Variants in TBC1D5 observed in about 807,000 individuals in gnomAD.
TBC1D5 encodes TBC1 domain family member 5.
TBC1D5 carries 75 observed loss-of-function variants against 100.3 expected under a neutral mutation model. That is an observed-to-expected ratio of 0.75 (90% CI 0.62 to 0.91). TBC1D5 has a LOEUF of 0.91. Ranked by LOEUF, TBC1D5 falls within the 40% of genes least tolerant of loss-of-function variation. TBC1D5 has a pLI of 0.00. For missense variants in TBC1D5, 910 were observed against 942.4 expected (o/e 0.97, Z 0.45); for synonymous variants, 323 against 325.6 (o/e 0.99, Z 0.09).
chr3:17,634,277 G>GT (rs1279176551), intron 1 of TBC1D5, among the ~76,000 whole-genome samples: 1 of 152,158 alleles, frequency 6.6e-6, no homozygotes, highest in African/African-American at 2.4e-5. Flanking sequence ...GCACTCCCAT[G>GT]TTTGTTACAA....
intron 13 of TBC1D5, among the ~76,000 whole-genome samples, chr3:17,349,102 A>G (rs2090251281): frequency 6.6e-6 from 1 of 152,182 alleles, no homozygotes; most frequent in African/African-American, 2.4e-5. Context: ...CCAAAACTGA[A>G]AGAAATCCAC....
intron 1 of TBC1D5, among the ~76,000 whole-genome samples, chr3:17,668,331 C>T (rs181215163): frequency 9.9e-5 from 15 of 151,764 alleles, no homozygotes; most frequent in African/African-American, 3.1e-4. Context: ...ACTTAATACC[C>T]GCTTAGATTT....
chr3:17,513,565 A>T (rs942082081), intron 2 of TBC1D5, among the ~76,000 whole-genome samples: 3 of 152,218 alleles, frequency 2.0e-5, no homozygotes, highest in Non-Finnish European at 2.9e-5. Flanking sequence ...CAGAATCAGC[A>T]TTCTGAACTG....
intron 13 of TBC1D5, among the ~76,000 whole-genome samples, chr3:17,353,952 A>C (rs930607014): frequency 6.6e-6 from 1 of 152,114 alleles, no homozygotes; most frequent in Admixed American, 6.6e-5. Context: ...CATATACACC[A>C]ATGCAAAATA....
chr3:17,658,231 T>C (rs146216493), intron 1 of TBC1D5, among the ~76,000 whole-genome samples: 1 of 152,358 alleles, frequency 6.6e-6, no homozygotes, highest in Non-Finnish European at 1.5e-5. Context: ...GGAGCATGAT[T>C]GGATACTTAA....
At chr3:17,590,971 G>A (rs555737368) in intron 2 of TBC1D5, among the ~76,000 whole-genome samples, 2 of 152,080 alleles carry the variant, frequency 1.3e-5, no homozygotes, top group East Asian at 3.9e-4. Context: ...CAGGCACAGT[G>A]GCTCACACCT....
At chr3:17,665,561 A>G (rs2067170473) in intron 1 of TBC1D5, among the ~76,000 whole-genome samples, 1 of 152,140 alleles carries the variant, frequency 6.6e-6, no homozygotes, top group African/African-American at 2.4e-5. Context: ...CTTGCTTTAT[A>G]TTCTATCCGT....
chr3:17,700,815 A>C (rs905489819), intron 1 of TBC1D5, among the ~76,000 whole-genome samples: 1 of 152,176 alleles, frequency 6.6e-6, no homozygotes, highest in Non-Finnish European at 1.5e-5. Flanking sequence ...GCGATCATTA[A>C]AAAGTCAGGA....
chr3:17,531,626 C>T (rs2096227298), intron 2 of TBC1D5, among the ~76,000 whole-genome samples: 1 of 152,096 alleles, frequency 6.6e-6, no homozygotes, highest in Non-Finnish European at 1.5e-5. Flanking sequence ...GGTACTGGTA[C>T]CAAAACAGAG....
intron 2 of TBC1D5, among the ~76,000 whole-genome samples, chr3:17,556,634 T>C (rs970553716): frequency 6.6e-6 from 1 of 152,132 alleles, no homozygotes; most frequent in East Asian, 1.9e-4. Context: ...TGATCAAGAG[T>C]GACATTTTTA....
At chr3:17,353,543 G>T (rs767909301) in intron 13 of TBC1D5, among the ~76,000 whole-genome samples, 1 of 151,980 alleles carries the variant, frequency 6.6e-6, no homozygotes, top group Non-Finnish European at 1.5e-5. Context: ...ATGTGAATGC[G>T]AAGCCATCAT....
chr3:17,392,514 A>G (rs4312642), intron 8 of TBC1D5, among the ~76,000 whole-genome samples: 76,359 of 151,688 alleles, frequency 0.5, 20,989 homozygotes, highest in African/African-American at 0.71. Context: ...CCTTCCCCTA[A>G]ACCCCCGACC....
At chr3:17,709,689 A>T (rs1317643368) in intron 1 of TBC1D5, among the ~76,000 whole-genome samples, 3 of 152,226 alleles carry the variant, frequency 2.0e-5, no homozygotes, top group Non-Finnish European at 4.4e-5. Context: ...ACTAAGAGGA[A>T]TACCAGAAAG....
At chr3:17,504,487 T>C (rs1043421939) in intron 3 of TBC1D5, among the ~76,000 whole-genome samples, 3 of 152,140 alleles carry the variant, frequency 2.0e-5, no homozygotes, top group African/African-American at 7.2e-5. Flanking sequence ...TATATATTGT[T>C]GAATGCTCTG....
intron 1 of TBC1D5, among the ~76,000 whole-genome samples, chr3:17,679,419 T>C (rs1289416454): frequency 6.6e-6 from 1 of 151,486 alleles, no homozygotes. Flanking sequence ...ATTATTATTC[T>C]AAAAAATGAA....
At chr3:17,627,160 T>C (rs1421309664) in intron 1 of TBC1D5, among the ~76,000 whole-genome samples, 1 of 151,994 alleles carries the variant, frequency 6.6e-6, no homozygotes, top group Non-Finnish European at 1.5e-5. Flanking sequence ...ACTAATGAGA[T>C]ATAATGGGTA....
rs1166386428 is a variant in TBC1D5 at position 17,359,590 on chromosome 3, T to C, written c.995+12485A>G. On this transcript the variant is annotated intron_variant, in intron 13 of 21. Coordinates refer to ENST00000253692, the Ensembl canonical transcript of TBC1D5. ...ACAGGCACATTTGAAGCCCTCTTTG[T>C]TCCCATAAAAGGTTTTACACATATT... is the stretch of plus-strand genomic sequence containing the variant. 6.6e-5 allele frequency among the ~76,000 whole-genome samples: 10 copies of C among 152,174 alleles called. No homozygotes were observed. The East Asian group carries it at 1.9e-3, about 29-fold the overall frequency.
chr3:17,172,019 C>T (rs1407827467), intron 19 of TBC1D5, among the ~76,000 whole-genome samples: 2 of 152,178 alleles, frequency 1.3e-5, no homozygotes, highest in Non-Finnish European at 2.9e-5. Flanking sequence ...GCAATTCTTT[C>T]GTCTTAATTT....
At chr3:17,311,351 A>T (rs1575262163) in intron 13 of TBC1D5, among the ~76,000 whole-genome samples, 1 of 152,044 alleles carries the variant, frequency 6.6e-6, no homozygotes, top group East Asian at 1.9e-4. Context: ...ATTTTACCAT[A>T]TCTACTTAGT....
Sources: allele counts gnomAD v4.1 joint callset (sites outside exome capture counted in the v4.1 genomes callset), GRCh38; gene constraint gnomAD v4.1.1; transcripts MANE v1.5; gene names NCBI Gene and HGNC (gene_info 2026-07-23, HGNC 2026-07-21).